The following RIMS2 variants were observed in gnomAD, a reference collection of about 807,000 sequenced individuals.
The protein encoded by RIMS2 is regulating synaptic membrane exocytosis 2.
In RIMS2, 59 loss-of-function variants were observed where a neutral mutation model predicts 174.4. The ratio of observed to expected loss-of-function variants is 0.34; its 90% CI spans 0.27 to 0.42. RIMS2 has a LOEUF of 0.42. RIMS2 is among the 10% of genes least tolerant of loss of function. The pLI, the probability that RIMS2 is intolerant of heterozygous loss-of-function variation, is 1.00. For missense variants in RIMS2, 1,620 were observed against 1,666.3 expected (o/e 0.97, Z 0.48); for synonymous variants, 606 against 572.5 (o/e 1.06, Z -0.84).
intron 19 of RIMS2, among the ~76,000 whole-genome samples, chr8:104,161,252 GA>G (rs2098759203): frequency 6.6e-6 from 1 of 152,066 alleles, no homozygotes. Context: ...GGTACCAATT[GA>G]TCTGAACCTT....
At chr8:103,967,985 T>G (rs768514778) in intron 15 of RIMS2, among the ~76,000 whole-genome samples, 1 of 151,344 alleles carries the variant, frequency 6.6e-6, no homozygotes, top group Non-Finnish European at 1.5e-5. Context: ...CTCAGCCTCC[T>G]GAGTAGCTGA....
chr8:104,244,316 A>G (rs2099318871), intron 19 of RIMS2, among the ~76,000 whole-genome samples: 1 of 152,226 alleles, frequency 6.6e-6, no homozygotes, highest in Admixed American at 6.5e-5. Context: ...TATCTTTCTG[A>G]AAGTTACCAA....
intron 19 of RIMS2, among the ~76,000 whole-genome samples, chr8:104,118,354 G>GTTTGTTTTTTTTTTTT (rs1566516268): frequency 9.2e-6 from 1 of 108,498 alleles, no homozygotes; most frequent in African/African-American, 4.1e-5. Context: ...TTTATTTTTT[G>GTTTGTTTTTTTTTTTT]TTTTTTTGTT....
At chr8:103,568,906 G>C (rs2092593442) in intron 1 of RIMS2, 1 of 1,048,116 alleles carries the variant, frequency 9.5e-7, no homozygotes, top group Admixed American at 1.8e-5. Context: ...CCACATTGCT[G>C]CAACACATCA....
At chr8:104,020,621 G>T (rs924589927) in intron 19 of RIMS2, among the ~76,000 whole-genome samples, 6 of 151,972 alleles carry the variant, frequency 3.9e-5, no homozygotes, top group African/African-American at 1.4e-4. Context: ...TTCTGAGGAA[G>T]ATACTAGTGG....
intron 19 of RIMS2, among the ~76,000 whole-genome samples, chr8:104,137,328 G>A (rs1040039170): frequency 6.6e-6 from 1 of 152,070 alleles, no homozygotes; most frequent in Non-Finnish European, 1.5e-5. Flanking sequence ...TCTAGACATT[G>A]TGCTAATTGC....
intron 14 of RIMS2, among the ~76,000 whole-genome samples, chr8:103,944,852 A>G (rs1048985336): frequency 6.6e-6 from 1 of 152,080 alleles, no homozygotes; most frequent in African/African-American, 2.4e-5. Context: ...ACATGTGCAT[A>G]CACATAAAAG....
chr8:104,067,580 C>T (rs542483526), intron 19 of RIMS2, among the ~76,000 whole-genome samples: 2 of 150,352 alleles, frequency 1.3e-5, no homozygotes, highest in South Asian at 2.1e-4. Context: ...GTTGTGGAGA[C>T]GGGGTCATGC....
intron 19 of RIMS2, among the ~76,000 whole-genome samples, chr8:104,181,980 T>G (rs2441892): frequency 0.84 from 127,494 of 151,536 alleles, 54,181 homozygotes; most frequent in East Asian, 1. Context: ...CCTTGAATCC[T>G]ATCTTAACTG....
In RIMS2 at chr8:103,723,956, TG is replaced by T. The variant is rs149251512; in HGVS notation, c.387+26663del. Among the ~76,000 whole-genome samples, 396 of 152,124 alleles carry T rather than the reference TG, an allele frequency of 2.6e-3. 3 individuals are homozygous for T. The highest frequency in any genetic ancestry group is 8.3e-3 in the African/African-American group (346 of 41,498). Reference sequence around the variant, plus strand: ...CCTGGTGCTAGGGGAAGCTTGGAGATGGGATCCACAGGAGCTGGCTTTGTGT... The same window carrying T: ...CCTGGTGCTAGGGGAAGCTTGGAGATGGATCCACAGGAGCTGGCTTTGTGT... On this transcript the variant is annotated intron_variant, in intron 2 of 23. Coordinates refer to ENST00000504942, the Ensembl canonical transcript of RIMS2.
chr8:103,581,872 G>A (rs1350241964), intron 1 of RIMS2, among the ~76,000 whole-genome samples: 1 of 152,166 alleles, frequency 6.6e-6, no homozygotes, highest in Non-Finnish European at 1.5e-5. Flanking sequence ...GCAACTCTAA[G>A]GCAAGTCCTA....
chr8:103,855,898 C>T (rs1230269300), intron 3 of RIMS2, among the ~76,000 whole-genome samples: 1 of 151,988 alleles, frequency 6.6e-6, no homozygotes, highest in Admixed American at 6.6e-5. Flanking sequence ...AGTTTAAATC[C>T]AGAATTTGCT....
At chr8:103,501,095 C>A in intron 1 of RIMS2, 33 bp downstream of exon 1, 8 of 1,513,986 alleles carry the variant, frequency 5.3e-6, no homozygotes, top group Non-Finnish European at 6.2e-6. Context: ...CCGCCTCTCT[C>A]CCTGCCCTCC....
chr8:104,087,472 A>G (rs2097556830), intron 19 of RIMS2, among the ~76,000 whole-genome samples: 1 of 152,088 alleles, frequency 6.6e-6, no homozygotes, highest in South Asian at 2.1e-4. Context: ...TAGTTGAGGA[A>G]CATTCGAAGC....
rs372516679 is a variant in RIMS2 at position 103,710,844 on chromosome 8, T to G, written c.387+13548T>G. Among the ~76,000 whole-genome samples the G allele has an allele frequency of 2.6e-5, 4 of 152,286 alleles. No homozygotes were observed. The South Asian group carries it at 8.3e-4, about 32-fold the overall frequency. On this transcript the variant is annotated intron_variant, in intron 2 of 23. Transcript: ENST00000504942. ...GTGATTTTTAAAAATTTTATTTTATTTTTAGAAAGTGATTCTTAAGCAAGT... is the reference window on the plus strand; with the variant it reads ...GTGATTTTTAAAAATTTTATTTTATGTTTAGAAAGTGATTCTTAAGCAAGT...
At chr8:103,586,174 G>T (rs1269300726) in intron 1 of RIMS2, among the ~76,000 whole-genome samples, 2 of 152,160 alleles carry the variant, frequency 1.3e-5, no homozygotes, top group Non-Finnish European at 2.9e-5. Context: ...TCCACTTTCA[G>T]CATTGGACAA....
chr8:104,000,185 A>T (rs555103770), intron 17 of RIMS2, among the ~76,000 whole-genome samples: 2 of 151,020 alleles, frequency 1.3e-5, no homozygotes, highest in East Asian at 3.9e-4. Flanking sequence ...CCATTAACCA[A>T]CCCCTCTTCA....
intron 2 of RIMS2, among the ~76,000 whole-genome samples, chr8:103,732,385 G>A (rs748338105): frequency 3.3e-5 from 5 of 152,190 alleles, no homozygotes; most frequent in Admixed American, 6.5e-5. Flanking sequence ...ACTGTGCTAC[G>A]TCAGATCCAA....
chr8:103,867,526 G>A (rs1005898916), intron 3 of RIMS2, among the ~76,000 whole-genome samples: 6 of 151,792 alleles, frequency 4.0e-5, no homozygotes, highest in Non-Finnish European at 5.9e-5. Flanking sequence ...ATAAAAGAAT[G>A]CAAGGAGTTA....
Sources: allele counts gnomAD v4.1 joint callset (sites outside exome capture counted in the v4.1 genomes callset), GRCh38; gene constraint gnomAD v4.1.1; transcripts MANE v1.5; gene names NCBI Gene and HGNC (gene_info 2026-07-23, HGNC 2026-07-21).